TJP3: variants seen among roughly 807,000 people sequenced by gnomAD.
TJP3 encodes the protein tight junction protein ZO-3.
In TJP3, 85 loss-of-function variants were observed where a neutral mutation model predicts 104.2. The observed-to-expected ratio is 0.82, with a 90% CI of 0.68 to 0.98. The LOEUF (loss-of-function observed/expected upper bound fraction) is 0.98. Ranked by LOEUF, TJP3 falls within the 50% of genes least tolerant of loss-of-function variation. The pLI is 0.00. For synonymous variants in TJP3, 550 were observed against 550.6 expected (o/e 1.00, Z 0.02); for missense variants, 1,367 against 1,322.8 (o/e 1.03, Z -0.52).
Position 3,736,204 on chromosome 19 carries a change from CA to C in TJP3, c.1169del (p.Lys390ArgfsTer40). 6.3e-7 allele frequency: 1 copy of C among 1,598,930 alleles called. No individual in the cohort carries two copies. ...CGCGTGTGGTCCGCTTCCTCAAGGG[CA>C]AGAGCATCGGGCTGCGGCTGGCAGG... ...DTRVVRFLKG[K>X]SIGLRLAGGN... On this transcript the variant is annotated frameshift_variant, in exon 11 of 21. Transcript: ENST00000541714. LOFTEE classifies it high-confidence loss of function.
intron 1 of TJP3, among the ~76,000 whole-genome samples, chr19:3,716,014 C>T (rs572133857): frequency 9.3e-5 from 14 of 150,582 alleles, no homozygotes; most frequent in African/African-American, 2.7e-4. Flanking sequence ...CCTGACCTCA[C>T]GTGATCCACC....
At chr19:3,721,135 C>T (rs1337503870) in intron 1 of TJP3, among the ~76,000 whole-genome samples, 1 of 152,150 alleles carries the variant, frequency 6.6e-6, no homozygotes, top group African/African-American at 2.4e-5. Flanking sequence ...CTGCTGACCT[C>T]GTGATCCGCT....
At chr19:3,723,194 G>T (rs952047709) in intron 1 of TJP3, among the ~76,000 whole-genome samples, 14 of 152,342 alleles carry the variant, frequency 9.2e-5, no homozygotes, top group African/African-American at 3.1e-4. Flanking sequence ...TGAGGGGGAA[G>T]GTGTAAGGTG....
chr19:3,712,940 A>G (rs1599140441), intron 1 of TJP3, among the ~76,000 whole-genome samples: 1 of 123,378 alleles, frequency 8.1e-6, no homozygotes, highest in African/African-American at 3.2e-5. Context: ...ACAGAGCAAG[A>G]CTCTGTCTCA....
chr19:3,750,095 C>T lies in TJP3; in HGVS notation c.2611-43C>T, dbSNP rs200149372. On this transcript the variant is annotated intron_variant, in intron 19 of 20. Transcript: ENST00000541714. ...TGGTTATTGATCTCGACTCACCATG[C>T]TCTGGGGGGAGTTTTGAAGCTCCTC... 3.1e-6 allele frequency: 5 copies of T among 1,613,388 alleles called. No individual in the cohort carries two copies. In the East Asian group the frequency reaches 1.1e-4, roughly 36 times the overall value.
chr19:3,710,908 T>G (rs571868581), intron 1 of TJP3, among the ~76,000 whole-genome samples: 46 of 152,120 alleles, frequency 3.0e-4, no homozygotes, highest in Admixed American at 1.7e-3. Context: ...TTATTTTACT[T>G]TTTATATTTT....
intron 1 of TJP3, among the ~76,000 whole-genome samples, chr19:3,716,047 G>A (rs1444417573): frequency 6.6e-6 from 1 of 151,224 alleles, no homozygotes; most frequent in Non-Finnish European, 1.5e-5. Context: ...CCGAAGTGCT[G>A]GGATTACAGG....
Position 3,746,950 on chromosome 19 carries a change from C to T in TJP3, c.2322+74C>T. 7.0e-7 allele frequency: 1 copy of T among 1,428,198 alleles called. No individual in the cohort carries two copies. Among genetic ancestry groups the T allele is most frequent in the Non-Finnish European group, 9.6e-7 (1 of 1,040,330 alleles). The allele number at this position is 1,428,198 out of a possible 1,614,324, so 88.5% of individuals were successfully genotyped here. A position where few individuals can be genotyped will look rare whatever the true frequency, so the allele number is the denominator to read the frequency against. On this transcript the variant is annotated intron_variant, in intron 18 of 20. Coordinates refer to ENST00000541714, the MANE Select transcript of TJP3 (RefSeq NM_001267560.2). This position sits in a 1 kb window ranked among gnomAD's most constrained non-coding sequence, Gnocchi z 4.1. ...GTGCAGGCCCAGCTGGGGTTTGGGG[C>T]CTCTGTCGGGAGTTAGGGCTTGGTC...
Position 3,728,408 on chromosome 19 carries a change from C to T in TJP3, c.-9-16C>T, listed in dbSNP as rs573607278. ...TGTGTGGCCTCATGCCCATCTTCCC[C>T]GCTCCCCTCGACCAGGTGGCTGACA... On this transcript the variant is annotated splice_polypyrimidine_tract_variant and intron_variant, in intron 1 of 20. Coordinates refer to ENST00000541714, the MANE Select transcript of TJP3 (RefSeq NM_001267560.2). The T allele has an allele frequency of 2.5e-5, 40 of 1,614,180 alleles. No homozygotes were observed. The highest frequency in any genetic ancestry group is 3.3e-4 in the Middle Eastern group (2 of 6,062).
chr19:3,726,279 T>G (rs188847226), intron 1 of TJP3, among the ~76,000 whole-genome samples: 1 of 152,282 alleles, frequency 6.6e-6, no homozygotes, highest in East Asian at 1.9e-4. Flanking sequence ...GAGTCTGGTG[T>G]TCTCATTCAT....
rs778958605 is a variant in TJP3 at position 3,746,579 on chromosome 19, G to A, written c.2105G>A (p.Ser702Asn). ...YPIVVFFIPE[S>N]RPALKALRQW... The stretch of plus-strand genomic sequence containing the variant: ...ATTGTGGTCTTCTTCATCCCCGAGA[G>A]CCGGCCGGCCCTCAAGGCACTGCGC... Residue 702 changes from serine to asparagine, a missense_variant, in exon 17 of 21, where the codon AGC becomes AAC. Ser to Asn is a conservative substitution (Grantham distance 46, BLOSUM62 1). Transcript: ENST00000541714. This position sits in a 1 kb window ranked among gnomAD's most constrained non-coding sequence, Gnocchi z 4.1. The A allele has an allele frequency of 6.2e-7, 1 of 1,613,948 alleles. No homozygotes were observed.
rs745749048 is a variant in TJP3 at position 3,735,533 on chromosome 19, TCC to T, written c.987-31_987-30del. Reference sequence around the variant, plus strand: ...TTTTAAAATGGCCCCTTGAAATCCATCCCTGCCTCACTCCCAATCTGTTCCCC... The same window carrying T: ...TTTTAAAATGGCCCCTTGAAATCCATCTGCCTCACTCCCAATCTGTTCCCC... On this transcript the variant is annotated intron_variant, in intron 8 of 20. Transcript: ENST00000541714. 1.3e-5 allele frequency: 21 copies of T among 1,610,676 alleles called. No individual in the cohort carries two copies. The Middle Eastern group carries it at 5.0e-4, about 38-fold the overall frequency.
rs2036479050 is a variant in TJP3, at chr19:3,716,608, T to C, written c.-10+8047T>C. 2.7e-5 allele frequency among the ~76,000 whole-genome samples: 4 copies of C among 146,714 alleles called. No individual in the cohort carries two copies. In the South Asian group the frequency reaches 9.2e-4, roughly 34 times the overall value. On this transcript the variant is annotated intron_variant, in intron 1 of 20. Coordinates refer to ENST00000541714, the MANE Select transcript of TJP3 (RefSeq NM_001267560.2). ...ATGGCCCGGGAGCCCCATTCACTGC[T>C]AGGACTTTAACCCACTTATTTCTTT...
Position 3,746,650 on chromosome 19 carries a change from G to C in TJP3, c.2176G>C (p.Ala726Pro), listed in dbSNP as rs778180800. 1 of 1,613,218 alleles carries C rather than the reference G, an allele frequency of 6.2e-7. No individual in the cohort carries two copies. Among genetic ancestry groups the C allele is most frequent in the Non-Finnish European group, 8.5e-7 (1 of 1,179,790 alleles). The part of the protein sequence containing the change: ...ASRRSTRRLY[A>P]QAQKLRKHSS... The stretch of plus-strand genomic sequence containing the variant: ...CCGCCGCAGCACCCGTCGCCTCTAC[G>C]CACAAGCCCAGAAGCTGCGAAAACA... The change falls in exon 17 of 21, where the codon GCA becomes CCA. Residue 726 changes from alanine (A) to proline (P), a missense_variant. By Grantham distance (27) the Ala-to-Pro change is conservative (BLOSUM62 -1). Coordinates refer to ENST00000541714, the MANE Select transcript of TJP3 (RefSeq NM_001267560.2). This position sits in a 1 kb window ranked among gnomAD's most constrained non-coding sequence, Gnocchi z 4.1.
intron 1 of TJP3, among the ~76,000 whole-genome samples, chr19:3,717,670 G>A (rs1247290500): frequency 2.0e-5 from 3 of 151,942 alleles, no homozygotes; most frequent in Non-Finnish European, 4.4e-5. Flanking sequence ...CCTGACTCAA[G>A]TGATCCTCCT....
At chr19:3,733,621 C>T in intron 6 of TJP3, 132 bp from the exon 7 acceptor site, 1 of 1,224,518 alleles carries the variant, frequency 8.2e-7, no homozygotes, top group Non-Finnish European at 1.2e-6. Flanking sequence ...TCAACACTTT[C>T]CTTAGGGAGT....
intron 1 of TJP3, chr19:3,721,579 C>A: frequency 4.3e-6 from 1 of 233,552 alleles, no homozygotes; most frequent in Non-Finnish European, 8.3e-6. Flanking sequence ...GCCGCCGGCC[C>A]CCTCTCGGCT....
At position 3,746,992 on chromosome 19, in the gene TJP3, G is replaced by A. The variant is rs1298534061; in HGVS notation, c.2322+116G>A. On this transcript the variant is annotated intron_variant, in intron 18 of 20. Transcript: ENST00000541714. The surrounding 1 kb of genome is among the most constrained non-coding windows in gnomAD (Gnocchi z 4.1). ...GGCTTGGTCAGGGATCAGGACTGTG[G>A]CCAGAGTCAAGATGGGACCTGAGAC... 3 of 1,002,504 alleles carry A rather than the reference G, an allele frequency of 3.0e-6. No homozygotes were observed. The highest frequency in any genetic ancestry group is 4.5e-6 in the Non-Finnish European group (3 of 669,548). The allele number at this position is 1,002,504 out of a possible 1,614,324, so 62.1% of individuals were successfully genotyped here.
chr19:3,713,259 GCT>G (rs1470612933), intron 1 of TJP3, among the ~76,000 whole-genome samples: 1 of 152,022 alleles, frequency 6.6e-6, no homozygotes, highest in African/African-American at 2.4e-5. Context: ...CTCCATCTCT[GCT>G]CTCTGTCTCT....
Sources: allele counts gnomAD v4.1 joint callset (sites outside exome capture counted in the v4.1 genomes callset), GRCh38; gene constraint gnomAD v4.1.1; non-coding constraint Gnocchi (gnomAD v3.1); transcripts MANE v1.5; gene names NCBI Gene and HGNC (gene_info 2026-07-23, HGNC 2026-07-21).